Variants in PHIP observed in about 807,000 individuals in gnomAD.
PHIP encodes PHIP subunit of CUL4-Ring ligase complex, also known as PH-interacting protein.
PHIP carries 54 observed loss-of-function variants against 236.8 expected under a neutral mutation model. The observed-to-expected ratio is 0.23, with a 90% CI of 0.18 to 0.29. The LOEUF is 0.29. Ranked by LOEUF, PHIP falls within the 10% of genes least tolerant of loss-of-function variation. The pLI is 1.00. For synonymous variants in PHIP, 756 were observed against 718.9 expected, an observed-to-expected ratio of 1.05 and a Z score of -0.83; for missense variants, 1,370 against 2,190.8, an observed-to-expected ratio of 0.63 and a Z score of 7.48.
chr6:78,978,519 C>T lies in PHIP; in HGVS notation c.2889+73G>A, dbSNP rs563879367. The T allele has an allele frequency of 5.7e-6, 7 of 1,234,110 alleles. No homozygotes were observed. The Admixed American group carries it at 8.3e-5, about 15-fold the overall frequency. The allele number at this position is 1,234,110 out of a possible 1,614,324, so 76.4% of individuals were successfully genotyped here. A position where few individuals can be genotyped will look rare whatever the true frequency, so the allele number is the denominator to read the frequency against. On this transcript the variant is annotated intron_variant, in intron 24 of 39. Transcript: ENST00000275034. Reference sequence around the variant, plus strand: ...AAAACTGCTTCTATTTTCCAGAAGTCTATTTCAAGAGCTGTTAAAAAATGT... The same window carrying T: ...AAAACTGCTTCTATTTTCCAGAAGTTTATTTCAAGAGCTGTTAAAAAATGT...
chr6:78,962,367 C>T (rs981542384), intron 30 of PHIP, among the ~76,000 whole-genome samples: 1 of 152,030 alleles, frequency 6.6e-6, no homozygotes, highest in South Asian at 2.1e-4. Flanking sequence ...TTTGCTCATT[C>T]GCATATAATA....
At position 78,961,778 on chromosome 6, in the gene PHIP, G is replaced by A; in HGVS notation, c.3568C>T (p.Leu1190=). 6.2e-7 allele frequency: 1 copy of A among 1,611,330 alleles called. No individual in the cohort carries two copies. The highest frequency in any genetic ancestry group is 2.2e-5 in the East Asian group (1 of 44,804). ...GTGCAATACATGGGATAGGCTTGCA[G>A]ATCCACGGGGGCCACAAATGCTGAG... is the stretch of plus-strand genomic sequence containing the variant. ...IASAFVAPVD[L]QAYPMYCTVV... Residue 1190 remains leucine, a synonymous_variant, in exon 31 of 40, where the codon CTG becomes TTG. Coordinates refer to ENST00000275034, the MANE Select transcript of PHIP (RefSeq NM_017934.7).
chr6:78,979,448 TAGTAAGTTACA>T (rs927945065), intron 23 of PHIP, among the ~76,000 whole-genome samples: 4 of 152,052 alleles, frequency 2.6e-5, no homozygotes, highest in African/African-American at 7.2e-5. Flanking sequence ...ATCCTAGTTA[TAGTAAGTTACA>T]ACTAAATAAG....
Position 78,938,746 on chromosome 6 carries a change from GCAAAATCT to G in PHIP, c.*1939_*1946del. On this transcript the variant is annotated 3_prime_UTR_variant, in exon 40 of 40. Coordinates refer to ENST00000275034, the MANE Select transcript of PHIP (RefSeq NM_017934.7). ...AAAAATTTGAAATTATTTTTCAACTGCAAAATCTCAGCAATGCAGTCAAGATCTGGAAA... is the reference window on the plus strand; with the variant it reads ...AAAAATTTGAAATTATTTTTCAACTGCAGCAATGCAGTCAAGATCTGGAAA... 2.0e-5 allele frequency: 3 copies of G among 151,452 alleles called. No homozygotes were observed. The highest frequency in any genetic ancestry group is 6.6e-5 in the Admixed American group (1 of 15,206). The allele number at this position is 151,452 out of a possible 1,614,324, so 9.4% of individuals were successfully genotyped here. A position where few individuals can be genotyped will look rare whatever the true frequency, so the allele number is the denominator to read the frequency against.
At position 78,961,546 on chromosome 6, in the gene PHIP, T is replaced by A. The variant is rs549111653; in HGVS notation, c.3656+144A>T. The A allele has an allele frequency of 7.0e-4, 511 of 724,934 alleles. 1 individual carries two copies. The highest frequency in any genetic ancestry group is 9.8e-4 in the Non-Finnish European group (441 of 450,778). The allele number at this position is 724,934 out of a possible 1,614,324, so 44.9% of individuals were successfully genotyped here. ...CAGGTCCCACTCCAAATCTACTGAA[T>A]AAGATTCTACATTTTAACATAATCC... On this transcript the variant is annotated intron_variant, in intron 31 of 39. Transcript: ENST00000275034.
intron 16 of PHIP, among the ~76,000 whole-genome samples, chr6:79,002,780 G>C (rs1349884436): frequency 6.6e-6 from 1 of 152,016 alleles, no homozygotes; most frequent in Non-Finnish European, 1.5e-5. Flanking sequence ...TCATTCAACA[G>C]TATTTTTACT....
intron 10 of PHIP, 151 bp from the exon 11 acceptor site, chr6:79,017,734 C>A: frequency 3.6e-6 from 2 of 562,680 alleles, no homozygotes; most frequent in South Asian, 2.6e-5. Context: ...TATAACACAT[C>A]TAACTGGAAT....
chr6:79,055,560 G>T (rs572461671), intron 6 of PHIP, among the ~76,000 whole-genome samples: 1 of 152,288 alleles, frequency 6.6e-6, no homozygotes, highest in Non-Finnish European at 1.5e-5. Flanking sequence ...TCACAAGCTA[G>T]TAATAACAAC....
chr6:79,002,404 G>C (rs951059162), intron 16 of PHIP, among the ~76,000 whole-genome samples: 1 of 152,010 alleles, frequency 6.6e-6, no homozygotes, highest in Non-Finnish European at 1.5e-5. Flanking sequence ...TGCTTTCCAT[G>C]GTTTCAGTTA....
intron 6 of PHIP, among the ~76,000 whole-genome samples, chr6:79,046,638 AG>A (rs931201800): frequency 3.8e-4 from 58 of 152,256 alleles, no homozygotes; most frequent in African/African-American, 1.3e-3. Context: ...GCACTTTGGG[AG>A]GCTGAGGTGG....
intron 17 of PHIP, among the ~76,000 whole-genome samples, chr6:78,999,174 C>T (rs1235157964): frequency 6.6e-6 from 1 of 152,154 alleles, no homozygotes; most frequent in Middle Eastern, 3.2e-3. Context: ...GTATTTTAAT[C>T]CATCCAAGTT....
rs374274242 is a variant in PHIP, at chr6:78,988,137, CGAA to C, written c.2460+69_2460+71del. 101 of 1,100,308 alleles carry C rather than the reference CGAA, an allele frequency of 9.2e-5. No individual in the cohort carries two copies. The East Asian group carries it at 1.7e-3, about 19-fold the overall frequency. The allele number at this position is 1,100,308 out of a possible 1,614,324, so 68.2% of individuals were successfully genotyped here. A position where few individuals can be genotyped will look rare whatever the true frequency, so the allele number is the denominator to read the frequency against. ...ACATCTACAAACATATCAATAAATG[CGAA>C]GAATGAAACTCATATTTAAAAAAAT... On this transcript the variant is annotated intron_variant, in intron 21 of 39. Coordinates refer to ENST00000275034, the MANE Select transcript of PHIP (RefSeq NM_017934.7).
chr6:79,064,028 C>A (rs1449611521), intron 4 of PHIP, among the ~76,000 whole-genome samples: 2 of 152,042 alleles, frequency 1.3e-5, no homozygotes, highest in African/African-American at 2.4e-5. Context: ...TACAGGAGAA[C>A]CTTTTTTAAA....
intron 7 of PHIP, among the ~76,000 whole-genome samples, chr6:79,029,013 G>C (rs1771531912): frequency 1.3e-5 from 2 of 152,104 alleles, no homozygotes. Context: ...TATTCCTACT[G>C]GGTTTATCAT....
intron 7 of PHIP, among the ~76,000 whole-genome samples, chr6:79,041,722 C>G (rs1482094218): frequency 6.6e-6 from 1 of 151,906 alleles, no homozygotes; most frequent in Non-Finnish European, 1.5e-5. Context: ...ATAGAGATGC[C>G]TATTTTCCAC....
At chr6:79,033,852 G>A (rs1480942612) in intron 7 of PHIP, among the ~76,000 whole-genome samples, 1 of 152,120 alleles carries the variant, frequency 6.6e-6, no homozygotes, top group South Asian at 2.1e-4. Context: ...ATTAAAGTGA[G>A]AGACCTGAGA....
At chr6:79,016,451 T>G in intron 13 of PHIP, 93 bp downstream of exon 13, 1 of 590,144 alleles carries the variant, frequency 1.7e-6, no homozygotes, top group Non-Finnish European at 2.9e-6. Flanking sequence ...TTTAACATGA[T>G]ATATAATTTT....
rs72902878 is a variant in PHIP at position 78,988,665 on chromosome 6, T to C, written c.2320-316A>G. ...TAGTACCAACTCAAATATTTTAACA[T>C]TCATCAAGTTAAAGGCTTATCATGG... On this transcript the variant is annotated intron_variant, in intron 20 of 39. Coordinates refer to ENST00000275034, the MANE Select transcript of PHIP (RefSeq NM_017934.7). Among the ~76,000 whole-genome samples, 14,400 of 152,240 alleles carry C rather than the reference T, an allele frequency of 0.095. 790 individuals carry two copies. Among genetic ancestry groups the C allele is most frequent in the Middle Eastern group, 0.14 (40 of 292 alleles).
Position 79,060,081 on chromosome 6 carries a change from C to G in PHIP, c.439+397G>C, listed in dbSNP as rs561449718. ...GAAGACATACTTGCATCAGTACTCC[C>G]TCTTTGAAACTTTAGCCAAAAAAAG... On this transcript the variant is annotated intron_variant, in intron 6 of 39. Transcript: ENST00000275034. Among the ~76,000 whole-genome samples, 21 of 134,946 alleles carry G rather than the reference C, an allele frequency of 1.6e-4. No homozygotes were observed. The East Asian group carries it at 4.8e-3, about 31-fold the overall frequency. 88.5% of individuals were successfully genotyped at this position (134,946 alleles called of 152,430 possible). A position where few individuals can be genotyped will look rare whatever the true frequency, so the allele number is the denominator to read the frequency against.
Sources: allele counts gnomAD v4.1 joint callset (sites outside exome capture counted in the v4.1 genomes callset), GRCh38; gene constraint gnomAD v4.1.1; transcripts MANE v1.5; gene names NCBI Gene and HGNC (gene_info 2026-07-23, HGNC 2026-07-21).